Variants in PDE4D observed in about 807,000 individuals in gnomAD.
PDE4D encodes the protein 3',5'-cyclic-AMP phosphodiesterase 4D.
In PDE4D, 24 loss-of-function variants were observed where a neutral mutation model predicts 87.4. The observed-to-expected ratio is 0.27, with a 90% CI of 0.20 to 0.39. The LOEUF is 0.39. PDE4D is among the 10% of genes least tolerant of loss of function. PDE4D has a pLI of 1.00. For synonymous variants in PDE4D, 384 were observed against 383.2 expected (o/e 1.00, Z -0.02); for missense variants, 714 against 1,041.0 (o/e 0.69, Z 4.32).
chr5:59,224,658 G>A (rs2153513289), intron 1 of PDE4D, among the ~76,000 whole-genome samples: 1 of 152,282 alleles, frequency 6.6e-6, no homozygotes. Context: ...GTTACATGAG[G>A]TTGAGGTTGA....
At chr5:60,190,778 T>C (rs572815424) in intron 1 of PDE4D, among the ~76,000 whole-genome samples, 1 of 152,302 alleles carries the variant, frequency 6.6e-6, no homozygotes, top group South Asian at 2.1e-4. Flanking sequence ...GTTTAACATC[T>C]TGAAACTTGC....
At chr5:59,665,042 T>G (rs536454955) in intron 1 of PDE4D, among the ~76,000 whole-genome samples, 1 of 152,210 alleles carries the variant, frequency 6.6e-6, no homozygotes, top group Non-Finnish European at 1.5e-5. Context: ...CCCTCTGTAG[T>G]GACATGTCCC....
chr5:59,779,180 G>A (rs899572679), intron 1 of PDE4D, among the ~76,000 whole-genome samples: 4 of 151,710 alleles, frequency 2.6e-5, no homozygotes, highest in African/African-American at 4.8e-5. Context: ...AAAAAAGAAA[G>A]AAATCCTTTG....
intron 1 of PDE4D, among the ~76,000 whole-genome samples, chr5:59,807,329 G>T (rs2152673911): frequency 6.6e-6 from 1 of 152,294 alleles, no homozygotes; most frequent in Admixed American, 6.5e-5. Flanking sequence ...TGACCTGGGA[G>T]CTCATGGCCC....
intron 1 of PDE4D, among the ~76,000 whole-genome samples, chr5:59,237,930 C>T (rs746296560): frequency 6.6e-6 from 1 of 152,000 alleles, no homozygotes; most frequent in Non-Finnish European, 1.5e-5. Flanking sequence ...TTTTGTTATT[C>T]ATTGCATCTG....
intron 1 of PDE4D, among the ~76,000 whole-genome samples, chr5:60,337,744 T>C (rs994571193): frequency 2.6e-5 from 4 of 152,210 alleles, no homozygotes; most frequent in African/African-American, 9.6e-5. Flanking sequence ...ACAGCTATTC[T>C]ATTTTTTTCA....
At chr5:60,037,353 T>C (rs995395524) in intron 2 of PDE4D, among the ~76,000 whole-genome samples, 3 of 152,214 alleles carry the variant, frequency 2.0e-5, no homozygotes, top group African/African-American at 7.2e-5. Flanking sequence ...TTTTTTATCT[T>C]ATTGGTACTA....
intron 3 of PDE4D, among the ~76,000 whole-genome samples, chr5:59,939,602 G>C (rs1359115878): frequency 6.6e-6 from 1 of 152,142 alleles, no homozygotes; most frequent in Non-Finnish European, 1.5e-5. Context: ...AGAGATTTCT[G>C]AGCGGTGTTA....
At chr5:60,345,657 C>T (rs1383400946) in intron 1 of PDE4D, among the ~76,000 whole-genome samples, 2 of 151,456 alleles carry the variant, frequency 1.3e-5, no homozygotes, top group Non-Finnish European at 2.9e-5. Flanking sequence ...TTGCATAAAA[C>T]TATAGCAAAT....
rs569736039 is a variant in PDE4D, at chr5:59,668,804, A to AAAGAAGAAGAAG, written c.455+224352_455+224363dup. 6.5e-5 allele frequency among the ~76,000 whole-genome samples: 7 copies of AAAGAAGAAGAAG among 108,232 alleles called. 1 individual carries two copies. Among genetic ancestry groups the AAAGAAGAAGAAG allele is most frequent in the African/African-American group, 1.6e-4 (4 of 24,722 alleles). 71.0% of individuals were successfully genotyped at this position (108,232 alleles called of 152,430 possible). A position where few individuals can be genotyped will look rare whatever the true frequency, so the allele number is the denominator to read the frequency against. ...AAGAAGAAGAAGAAAGAAGAAGAAG[A>AAAGAAGAAGAAG]AAGAAGAAGAAGAAGAAGAAGAAGA... On this transcript the variant is annotated intron_variant, in intron 1 of 14. Coordinates refer to ENST00000340635, the MANE Select transcript of PDE4D (RefSeq NM_001104631.2).
At chr5:59,387,412 GACTA>G (rs1171564006) in intron 1 of PDE4D, among the ~76,000 whole-genome samples, 8 of 152,086 alleles carry the variant, frequency 5.3e-5, no homozygotes, top group East Asian at 1.9e-4. Context: ...AGATGAATAA[GACTA>G]ACTATTATAA....
intron 1 of PDE4D, among the ~76,000 whole-genome samples, chr5:59,404,664 T>TAAAAAAAAA (rs141310449): frequency 1.1e-3 from 147 of 137,154 alleles, no homozygotes; most frequent in South Asian, 1.4e-3. Context: ...AGACTCTGTC[T>TAAAAAAAAA]AAAAAAAAAA....
intron 1 of PDE4D, among the ~76,000 whole-genome samples, chr5:59,506,973 T>C (rs1487002026): frequency 6.6e-6 from 1 of 152,162 alleles, no homozygotes; most frequent in African/African-American, 2.4e-5. Context: ...AAAAGATGTA[T>C]ACAGTAATGT....
At chr5:59,630,451 A>T (rs1831422578) in intron 1 of PDE4D, among the ~76,000 whole-genome samples, 1 of 152,206 alleles carries the variant, frequency 6.6e-6, no homozygotes, top group Non-Finnish European at 1.5e-5. Flanking sequence ...AGAGGCTTCA[A>T]TGTTCTCTTA....
At chr5:59,501,662 G>A (rs1384905867) in intron 1 of PDE4D, among the ~76,000 whole-genome samples, 3 of 152,108 alleles carry the variant, frequency 2.0e-5, no homozygotes, top group Non-Finnish European at 4.4e-5. Context: ...CTAAACTAGT[G>A]TAGTCAATTG....
chr5:59,607,996 A>C (rs1828451744), intron 1 of PDE4D, among the ~76,000 whole-genome samples: 1 of 152,138 alleles, frequency 6.6e-6, no homozygotes, highest in Non-Finnish European at 1.5e-5. Flanking sequence ...AGAACAATTA[A>C]TGAAGAAAAG....
At chr5:60,343,508 C>A (rs971509602) in intron 1 of PDE4D, among the ~76,000 whole-genome samples, 15 of 152,144 alleles carry the variant, frequency 9.9e-5, no homozygotes, top group Non-Finnish European at 4.4e-5. Context: ...ATCTTCCAGG[C>A]ACTGTTCTAA....
At chr5:59,036,355 TC>T (rs1429528412) in intron 6 of PDE4D, among the ~76,000 whole-genome samples, 5 of 152,196 alleles carry the variant, frequency 3.3e-5, no homozygotes, top group African/African-American at 1.2e-4. Flanking sequence ...ACTGAAAATA[TC>T]AGTTTGAACA....
At position 59,313,721 on chromosome 5, in the gene PDE4D, G is replaced by A. The variant is rs1277320339; in HGVS notation, c.456-97753C>T. ...ATACCTAGAACCAAATATATATACAGAGAGTACTGCTGGCTCCAGACCCTC... is the reference window on the plus strand; with the variant it reads ...ATACCTAGAACCAAATATATATACAAAGAGTACTGCTGGCTCCAGACCCTC... On this transcript the variant is annotated intron_variant, in intron 1 of 14. Transcript: ENST00000340635. Among the ~76,000 whole-genome samples the A allele has an allele frequency of 2.0e-5, 3 of 152,132 alleles. No individual in the cohort carries two copies. The East Asian group carries it at 5.8e-4, about 29-fold the overall frequency.
Sources: allele counts gnomAD v4.1 joint callset (sites outside exome capture counted in the v4.1 genomes callset), GRCh38; gene constraint gnomAD v4.1.1; transcripts MANE v1.5; gene names NCBI Gene and HGNC (gene_info 2026-07-23, HGNC 2026-07-21).